The following EIF2A variants were observed in gnomAD, a reference collection of about 807,000 sequenced individuals.
The protein encoded by EIF2A is eukaryotic translation initiation factor 2A, also known as 65 kDa eukaryotic translation initiation factor 2A.
Under a neutral mutation model 75.2 loss-of-function variants are expected in EIF2A, and 62 were observed. The observed-to-expected ratio is 0.82, with a 90% confidence interval of 0.67 to 1.02. EIF2A has a LOEUF of 1.02. EIF2A is among the 50% of genes least tolerant of loss of function. EIF2A has a pLI of 0.00. For missense variants in EIF2A, 611 were observed against 677.7 expected (o/e 0.90, Z 1.09); for synonymous variants, 207 against 239.0 (o/e 0.87, Z 1.23).
intron 11 of EIF2A, among the ~76,000 whole-genome samples, chr3:150,577,705 G>A (rs990030454): frequency 6.6e-5 from 10 of 151,940 alleles, no homozygotes; most frequent in Non-Finnish European, 1.5e-4. Flanking sequence ...ACAGGCGTGA[G>A]CCACTGTGCC....
intron 11 of EIF2A, among the ~76,000 whole-genome samples, chr3:150,580,433 A>G (rs1026587723): frequency 4.6e-5 from 7 of 152,170 alleles, no homozygotes; most frequent in African/African-American, 1.7e-4. Flanking sequence ...GTCTCTCAAA[A>G]TATCTAATGG....
In EIF2A at chr3:150,568,301, T is replaced by A. The variant is rs62283993; in HGVS notation, c.811+9T>A. The A allele has an allele frequency of 0.14, 225,133 of 1,589,300 alleles. 17,929 individuals carry two copies. The highest frequency in any genetic ancestry group is 0.16 in the Non-Finnish European group (189,122 of 1,163,460). ...TGCTGTAGTGCAATTACGTGAGTAT[T>A]CCAGCAGTCTTCCTTTGATTAGAAA... On this transcript the variant is annotated intron_variant, in intron 9 of 13. Coordinates refer to ENST00000460851, the MANE Select transcript of EIF2A (RefSeq NM_032025.5).
rs561085349 is a variant in EIF2A at position 150,572,243 on chromosome 3, G to T, written c.1097G>T (p.Cys366Phe). 2.5e-6 allele frequency: 4 copies of T among 1,613,944 alleles called. No individual in the cohort carries two copies. The South Asian group carries it at 4.4e-5, about 18-fold the overall frequency. ...VASDSTYFAWCPDGEHILTAT... is the reference protein window; with the variant it reads ...VASDSTYFAWFPDGEHILTAT... ...TCTGATTCTACATATTTTGCTTGGTGCCCGGATGGTGAGCATATTTTAACA... is the reference window on the plus strand; with the variant it reads ...TCTGATTCTACATATTTTGCTTGGTTCCCGGATGGTGAGCATATTTTAACA... Residue 366 changes from cysteine to phenylalanine, a missense_variant, in exon 10 of 14, where the codon TGC (cysteine) becomes TTC (phenylalanine). Transcript: ENST00000460851.
intron 4 of EIF2A, 53 bp downstream of exon 4, chr3:150,562,713 G>A (rs1723956450): frequency 7.3e-7 from 1 of 1,361,604 alleles, no homozygotes; most frequent in South Asian, 1.2e-5. Context: ...TACGTTTAGT[G>A]GGGGGGAAAA....
Position 150,567,908 on chromosome 3 carries a change from G to C in EIF2A, c.556G>C (p.Val186Leu), listed in dbSNP as rs979037685. ...SPGPQPYKVA[V>L]YVPGSKGAPS... Reference sequence around the variant, plus strand: ...TTATGTCTATGTATCTTAGGTGGCTGTCTATGTTCCAGGAAGTAAAGGTGC... The same window carrying C: ...TTATGTCTATGTATCTTAGGTGGCTCTCTATGTTCCAGGAAGTAAAGGTGC... The change falls in exon 8 of 14, where the codon GTC (valine) becomes CTC (leucine). Residue 186 changes from valine to leucine, a missense_variant. Coordinates refer to ENST00000460851, the MANE Select transcript of EIF2A (RefSeq NM_032025.5). 1.2e-6 allele frequency: 2 copies of C among 1,603,832 alleles called. No homozygotes were observed. The highest frequency in any genetic ancestry group is 4.5e-5 in the East Asian group (2 of 44,808).
In EIF2A at chr3:150,552,437, TTTG is replaced by T; in HGVS notation, c.98+15_98+17del. On this transcript the variant is annotated intron_variant, in intron 2 of 13. Transcript: ENST00000460851. ...ACAGTGTTTCCAAGGTATGATTTAT[TTTG>T]TTAAGTAATGTTATAGGGAACATAC... The T allele has an allele frequency of 1.3e-6, 2 of 1,550,328 alleles. No homozygotes were observed. Among genetic ancestry groups the T allele is most frequent in the Non-Finnish European group, 1.7e-6 (2 of 1,145,796 alleles).
At chr3:150,568,370 A>G (rs1724309816) in intron 9 of EIF2A, 78 bp downstream of exon 9, 1 of 1,154,870 alleles carries the variant, frequency 8.7e-7, no homozygotes, top group African/African-American at 1.6e-5. Context: ...GATATAATCT[A>G]AATTCTTGAT....
In EIF2A at chr3:150,583,939, A is replaced by G. The variant is rs948879861; in HGVS notation, c.*28A>G. ...ATTCACGGAAAGCAAGTTGATGACC[A>G]GAAATCAGTGCAAACACATCTTCTG... is the stretch of plus-strand genomic sequence containing the variant. On this transcript the variant is annotated 3_prime_UTR_variant, in exon 14 of 14. Transcript: ENST00000460851. The G allele has an allele frequency of 6.2e-7, 1 of 1,609,968 alleles. No individual in the cohort carries two copies. Among genetic ancestry groups the G allele is most frequent in the Non-Finnish European group, 8.5e-7 (1 of 1,176,508 alleles).
At chr3:150,582,463 T>C (rs996201743) in intron 12 of EIF2A, among the ~76,000 whole-genome samples, 20 of 151,716 alleles carry the variant, frequency 1.3e-4, no homozygotes, top group Admixed American at 1.1e-3. Flanking sequence ...TACAGGCGCC[T>C]GCCACCACAC....
chr3:150,568,502 C>T (rs991809388), intron 9 of EIF2A, among the ~76,000 whole-genome samples: 3 of 152,160 alleles, frequency 2.0e-5, no homozygotes, highest in African/African-American at 4.8e-5. Flanking sequence ...ATTTGAGTTA[C>T]GCCATCGTTT....
At chr3:150,555,533 C>T (rs1723514528) in intron 2 of EIF2A, among the ~76,000 whole-genome samples, 1 of 151,166 alleles carries the variant, frequency 6.6e-6, no homozygotes, top group African/African-American at 2.4e-5. Flanking sequence ...GCTGGGATTA[C>T]AGGTGTGAGC....
At position 150,558,427 on chromosome 3, in the gene EIF2A, G is replaced by A; in HGVS notation, c.138G>A (p.Lys46=). The change falls in exon 3 of 14, where the codon AAG becomes AAA. Residue 46 remains lysine (K), a synonymous_variant. Coordinates refer to ENST00000460851, the MANE Select transcript of EIF2A (RefSeq NM_032025.5). ...ATTGCAAAGTCTGTATCTTTAGTAA[G>A]GATGGGACCTTGTTTGCCTGGGGCA... ...GKNCKVCIFS[K]DGTLFAWGNG... is the part of the protein sequence containing the mutation. 1 of 1,521,976 alleles carries A rather than the reference G, an allele frequency of 6.6e-7. No individual in the cohort carries two copies. The highest frequency in any genetic ancestry group is 8.7e-7 in the Non-Finnish European group (1 of 1,144,014). The allele number at this position is 1,521,976 out of a possible 1,614,324, so 94.3% of individuals were successfully genotyped here. A position where few individuals can be genotyped will look rare whatever the true frequency, so the allele number is the denominator to read the frequency against.
intron 11 of EIF2A, among the ~76,000 whole-genome samples, chr3:150,578,264 TTACA>T (rs1487349063): frequency 2.7e-5 from 4 of 149,292 alleles, no homozygotes; most frequent in East Asian, 3.9e-4. Flanking sequence ...AAATAATTAC[TTACA>T]TAATTACATA....
chr3:150,552,600 C>T (rs1361258637), intron 2 of EIF2A, 175 bp downstream of exon 2: 6 of 526,280 alleles, frequency 1.1e-5, no homozygotes, highest in Non-Finnish European at 1.6e-5. Flanking sequence ...AAATGATCTT[C>T]AGATCTGAAA....
intron 2 of EIF2A, chr3:150,552,814 A>G (rs1261701434): frequency 6.2e-6 from 1 of 161,796 alleles, no homozygotes; most frequent in African/African-American, 2.4e-5. Flanking sequence ...GGACATATAT[A>G]TGCACATAGT....
intron 11 of EIF2A, among the ~76,000 whole-genome samples, chr3:150,576,778 C>T (rs114900317): frequency 0.013 from 2,011 of 152,294 alleles, 47 homozygotes; most frequent in African/African-American, 0.047. Context: ...AATTATTTAA[C>T]TGGGAATCGA....
intron 2 of EIF2A, among the ~76,000 whole-genome samples, chr3:150,555,838 A>G (rs1471303166): frequency 4.6e-5 from 7 of 152,192 alleles, no homozygotes; most frequent in Admixed American, 4.6e-4. Context: ...GAGACAGGGA[A>G]GGAGTTAAAG....
At chr3:150,554,162 T>A (rs1373246850) in intron 2 of EIF2A, among the ~76,000 whole-genome samples, 1 of 152,226 alleles carries the variant, frequency 6.6e-6, no homozygotes, top group East Asian at 1.9e-4. Flanking sequence ...ATGGGAACAT[T>A]AAGAATTATG....
In EIF2A at chr3:150,561,404, C is replaced by T. The variant is rs1197723027; in HGVS notation, c.174-1138C>T. Reference sequence around the variant, plus strand: ...GCCAGCCTGGCCAACATGGTGAAACCCCGTCTCTACCAAAAATACAAAAAT... The same window carrying T: ...GCCAGCCTGGCCAACATGGTGAAACTCCGTCTCTACCAAAAATACAAAAAT... On this transcript the variant is annotated intron_variant, in intron 3 of 13. Transcript: ENST00000460851. Among the ~76,000 whole-genome samples the T allele has an allele frequency of 3.3e-5, 5 of 152,154 alleles. No homozygotes were observed. In the East Asian group the frequency reaches 7.7e-4, roughly 23 times the overall value.
Sources: allele counts gnomAD v4.1 joint callset (sites outside exome capture counted in the v4.1 genomes callset), GRCh38; gene constraint gnomAD v4.1.1; transcripts MANE v1.5; gene names NCBI Gene and HGNC (gene_info 2026-07-23, HGNC 2026-07-21).